Variants in PDE8B observed in about 807,000 individuals in gnomAD.
PDE8B encodes the protein high affinity cAMP-specific and IBMX-insensitive 3',5'-cyclic phosphodiesterase 8B.
A neutral mutation model predicts 101.3 loss-of-function variants in PDE8B; 26 were observed. The observed-to-expected ratio is 0.26, with a 90% CI of 0.19 to 0.36. The LOEUF (loss-of-function observed/expected upper bound fraction) is 0.36, where lower values mean the gene tolerates loss of function less well. Among genes scored for constraint, PDE8B ranks in the 10% least tolerant of loss-of-function variants. The probability of loss-of-function intolerance (pLI) is 1.00; values close to 1 mark genes in which losing one functional copy is unlikely to be tolerated. For missense variants in PDE8B, 810 were observed against 1,163.1 expected, an observed-to-expected ratio of 0.70 and a Z score of 4.42; for synonymous variants, 424 against 429.3, an observed-to-expected ratio of 0.99 and a Z score of 0.15.
At chr5:77,353,542 A>G (rs1239090187) in intron 10 of PDE8B, 136 bp downstream of exon 10, 11 of 704,064 alleles carry the variant, frequency 1.6e-5, no homozygotes, top group Non-Finnish European at 2.4e-5. Flanking sequence ...GATTTATGGG[A>G]AAATTTGGTT....
At chr5:77,168,861 C>T in the PDE8B span, among the ~76,000 whole-genome samples, 1 of 152,218 alleles carries the variant, frequency 6.6e-6, no homozygotes, top group Admixed American at 6.5e-5. Flanking sequence ...TCAGTAGGGC[C>T]TCTTTTCACC....
At chr5:77,381,704 G>A (rs935500486) in intron 10 of PDE8B, among the ~76,000 whole-genome samples, 3 of 152,106 alleles carry the variant, frequency 2.0e-5, no homozygotes, top group Admixed American at 1.3e-4. Flanking sequence ...TCCTACAAGA[G>A]ATAGGTTTAT....
chr5:77,363,721 A>T (rs573700006), intron 10 of PDE8B, among the ~76,000 whole-genome samples: 3 of 152,186 alleles, frequency 2.0e-5, no homozygotes, highest in African/African-American at 7.2e-5. Context: ...CAGAAAAAAA[A>T]AAAAAAAAGA....
intron 1 of PDE8B, among the ~76,000 whole-genome samples, chr5:77,288,952 ATTGTCC>A (rs984425342): frequency 1.3e-5 from 2 of 151,348 alleles, no homozygotes; most frequent in Non-Finnish European, 2.9e-5. Context: ...TTTGTAGAAA[ATTGTCC>A]TTGATTTATG....
At chr5:77,400,226 T>C in intron 10 of PDE8B, 22 bp from the exon 11 acceptor site, 2 of 1,560,754 alleles carry the variant, frequency 1.3e-6, no homozygotes, top group Non-Finnish European at 1.8e-6. Flanking sequence ...TCTTGTTTTA[T>C]CAAACTTTTG....
intron 11 of PDE8B, among the ~76,000 whole-genome samples, chr5:77,401,314 G>A (rs1446499469): frequency 6.6e-6 from 1 of 152,118 alleles, no homozygotes; most frequent in Non-Finnish European, 1.5e-5. Context: ...TAACACCTGA[G>A]CAGGGGTATT....
chr5:77,376,790 C>G (rs751411106), intron 10 of PDE8B, among the ~76,000 whole-genome samples: 4 of 152,150 alleles, frequency 2.6e-5, no homozygotes. Flanking sequence ...TTACTAAGCT[C>G]TGGGCCTGAG....
intron 1 of PDE8B, chr5:77,290,296 A>C: frequency 6.5e-7 from 1 of 1,546,772 alleles, no homozygotes; most frequent in Non-Finnish European, 8.9e-7. Flanking sequence ...AATCAGCCCC[A>C]GTATGCATGG....
chr5:77,345,177 T>C (rs957857929), intron 7 of PDE8B, among the ~76,000 whole-genome samples: 9 of 152,344 alleles, frequency 5.9e-5, no homozygotes, highest in Admixed American at 5.2e-4. Flanking sequence ...TAAAAAAATT[T>C]TATTTTTTTG....
At chr5:77,232,723 C>T (rs868637512) in intron 1 of PDE8B, among the ~76,000 whole-genome samples, 5 of 152,116 alleles carry the variant, frequency 3.3e-5, no homozygotes, top group East Asian at 1.9e-4. Context: ...TCTGGATACC[C>T]GTGGGGTTGC....
At chr5:77,216,543 C>G (rs1749774931) in intron 1 of PDE8B, among the ~76,000 whole-genome samples, 1 of 152,144 alleles carries the variant, frequency 6.6e-6, no homozygotes, top group Non-Finnish European at 1.5e-5. Context: ...CAGGTCCCTC[C>G]CACAACACAT....
Position 77,394,023 on chromosome 5 carries a change from G to T in PDE8B, c.1168-6225G>T, listed in dbSNP as rs146716846. The stretch of plus-strand genomic sequence containing the variant: ...GGTGAAATAACCAGTGTTTCCAATT[G>T]TGTCCTGTTACAAAACAAAACAGAT... On this transcript the variant is annotated intron_variant, in intron 10 of 21. Coordinates refer to ENST00000264917, the MANE Select transcript of PDE8B (RefSeq NM_003719.5). Among the ~76,000 whole-genome samples, 28 of 152,244 alleles carry T rather than the reference G, an allele frequency of 1.8e-4. No homozygotes were observed. The East Asian group carries it at 5.0e-3, about 27-fold the overall frequency.
intron 10 of PDE8B, among the ~76,000 whole-genome samples, chr5:77,399,129 C>G (rs1305715005): frequency 6.6e-6 from 1 of 152,226 alleles, no homozygotes; most frequent in African/African-American, 2.4e-5. Context: ...AGGACACTTG[C>G]AGAGAAAGGC....
the PDE8B span, among the ~76,000 whole-genome samples, chr5:77,202,740 C>G: frequency 6.6e-6 from 1 of 151,922 alleles, no homozygotes; most frequent in South Asian, 2.1e-4. Flanking sequence ...TCAAGCGATT[C>G]TCCTGTGTAG....
chr5:77,414,262 G>T (rs1267729515), intron 17 of PDE8B, among the ~76,000 whole-genome samples: 1 of 152,166 alleles, frequency 6.6e-6, no homozygotes, highest in Non-Finnish European at 1.5e-5. Flanking sequence ...ACTTTCATCA[G>T]CAAGGAAACA....
chr5:77,212,471 A>G (rs1748677144), intron 1 of PDE8B, among the ~76,000 whole-genome samples: 1 of 151,992 alleles, frequency 6.6e-6, no homozygotes, highest in Non-Finnish European at 1.5e-5. Context: ...ACAGCATCTG[A>G]TTGTTTAACA....
intron 3 of PDE8B, 54 bp downstream of exon 3, chr5:77,325,783 G>T: frequency 8.3e-7 from 1 of 1,200,534 alleles, no homozygotes. Flanking sequence ...ATCTTAAAAC[G>T]AATTTCATTT....
intron 1 of PDE8B, among the ~76,000 whole-genome samples, chr5:77,240,239 C>T (rs1195177104): frequency 6.6e-6 from 1 of 152,150 alleles, no homozygotes; most frequent in African/African-American, 2.4e-5. Flanking sequence ...CTGCAAGCTC[C>T]GCCTCCCGGG....
intron 5 of PDE8B, among the ~76,000 whole-genome samples, chr5:77,335,671 C>T (rs1446694221): frequency 6.6e-6 from 1 of 152,064 alleles, no homozygotes; most frequent in African/African-American, 2.4e-5. Context: ...GTATTCTCCT[C>T]CTCCACTTAT....
Sources: allele counts gnomAD v4.1 joint callset (sites outside exome capture counted in the v4.1 genomes callset), GRCh38; gene constraint gnomAD v4.1.1; transcripts MANE v1.5; gene names NCBI Gene and HGNC (gene_info 2026-07-23, HGNC 2026-07-21).